Variants in RCAN2 observed in about 807,000 individuals in gnomAD.
RCAN2 encodes regulator of calcineurin 2.
RCAN2 carries 9 observed loss-of-function variants against 23.6 expected under a neutral mutation model. The observed-to-expected ratio is 0.38, with a 90% confidence interval of 0.23 to 0.67. The LOEUF is 0.67. RCAN2 is among the 30% of genes least tolerant of loss of function. The pLI is 0.51. For missense variants in RCAN2, 273 were observed against 302.3 expected, an observed-to-expected ratio of 0.90 and a Z score of 0.72; for synonymous variants, 109 against 115.7, an observed-to-expected ratio of 0.94 and a Z score of 0.37.
chr6:46,284,200 G>A (rs1762296689), intron 2 of RCAN2, among the ~76,000 whole-genome samples: 1 of 152,130 alleles, frequency 6.6e-6, no homozygotes, highest in Non-Finnish European at 1.5e-5. Flanking sequence ...TATGGTGAAA[G>A]GTTAAGAACT....
At chr6:46,254,208 T>C (rs1403470519) in intron 2 of RCAN2, among the ~76,000 whole-genome samples, 1 of 152,122 alleles carries the variant, frequency 6.6e-6, no homozygotes, top group Non-Finnish European at 1.5e-5. Flanking sequence ...TTTGACAACA[T>C]AGGAACTGGT....
At chr6:46,469,911 T>G (rs1711913100) in intron 1 of RCAN2, among the ~76,000 whole-genome samples, 2 of 152,100 alleles carry the variant, frequency 1.3e-5, no homozygotes, top group South Asian at 4.1e-4. Context: ...ATTCCTCCCT[T>G]GTGGAGGATA....
At chr6:46,309,709 G>A (rs145890442) in intron 2 of RCAN2, among the ~76,000 whole-genome samples, 324 of 152,304 alleles carry the variant, frequency 2.1e-3, no homozygotes, top group African/African-American at 7.4e-3. Context: ...GACAGACCTA[G>A]CTCATGTTGA....
At chr6:46,330,069 T>C (rs1047517523) in intron 2 of RCAN2, among the ~76,000 whole-genome samples, 3 of 152,202 alleles carry the variant, frequency 2.0e-5, no homozygotes, top group Non-Finnish European at 4.4e-5. Context: ...TAAATGTTTA[T>C]TATGGAGAAT....
In RCAN2 at chr6:46,260,086, A is replaced by G. The variant is rs1345060; in HGVS notation, c.226-11190T>C. Among the ~76,000 whole-genome samples the G allele has an allele frequency of 9.2e-3, 1,393 of 151,796 alleles. 23 individuals are homozygous for G. Among genetic ancestry groups the G allele is most frequent in the African/African-American group, 0.032 (1,328 of 41,366 alleles). ...TCACATCATTGCCAATTGGTGATCAACTCTAACTTCAGCATCTCTCCCCTT... is the reference window on the plus strand; with the variant it reads ...TCACATCATTGCCAATTGGTGATCAGCTCTAACTTCAGCATCTCTCCCCTT... On this transcript the variant is annotated intron_variant, in intron 2 of 4. Coordinates refer to ENST00000371374, the MANE Select transcript of RCAN2 (RefSeq NM_001251974.2).
intron 2 of RCAN2, among the ~76,000 whole-genome samples, chr6:46,401,079 G>C (rs187355490): frequency 6.6e-6 from 1 of 152,278 alleles, no homozygotes; most frequent in East Asian, 1.9e-4. Context: ...AAGGTACAAA[G>C]TACAGCCACG....
At chr6:46,234,131 G>A (rs1766006687) in intron 4 of RCAN2, among the ~76,000 whole-genome samples, 1 of 152,152 alleles carries the variant, frequency 6.6e-6, no homozygotes, top group Non-Finnish European at 1.5e-5. Flanking sequence ...GGCAAGCAGG[G>A]AGTCCACTCT....
At chr6:46,414,814 A>T (rs1187190764) in intron 2 of RCAN2, among the ~76,000 whole-genome samples, 1 of 152,234 alleles carries the variant, frequency 6.6e-6, no homozygotes, top group Non-Finnish European at 1.5e-5. Flanking sequence ...ATATGTGCAC[A>T]CATATATATA....
At chr6:46,489,974 G>A (rs767280291) in intron 1 of RCAN2, among the ~76,000 whole-genome samples, 1 of 152,196 alleles carries the variant, frequency 6.6e-6, no homozygotes, top group African/African-American at 2.4e-5. Flanking sequence ...ATGCTGACCT[G>A]CCTCTTGATC....
intron 2 of RCAN2, among the ~76,000 whole-genome samples, chr6:46,320,380 C>T (rs993204679): frequency 6.6e-6 from 1 of 152,178 alleles, no homozygotes. Context: ...TCATCCTTCT[C>T]CTCCTATCAC....
chr6:46,331,349 G>A (rs1343276701), intron 2 of RCAN2, among the ~76,000 whole-genome samples: 1 of 151,866 alleles, frequency 6.6e-6, no homozygotes, highest in African/African-American at 2.4e-5. Flanking sequence ...ATCCTGCAAA[G>A]ATCACTGAGG....
At chr6:46,279,551 G>T (rs1240935404) in intron 2 of RCAN2, among the ~76,000 whole-genome samples, 2 of 152,140 alleles carry the variant, frequency 1.3e-5, no homozygotes. Context: ...GGGAAGGGAG[G>T]AATTGCTCCC....
intron 2 of RCAN2, among the ~76,000 whole-genome samples, chr6:46,281,782 C>T (rs1767931872): frequency 6.6e-6 from 1 of 152,210 alleles, no homozygotes; most frequent in East Asian, 1.9e-4. Flanking sequence ...TATTATAAGG[C>T]CTGATCTTTT....
chr6:46,430,856 A>G (rs894813630), intron 2 of RCAN2, among the ~76,000 whole-genome samples: 3 of 152,218 alleles, frequency 2.0e-5, no homozygotes, highest in African/African-American at 7.2e-5. Context: ...TCTAAGAGTT[A>G]TTAAAAATTG....
chr6:46,359,856 C>G (rs1293435258), intron 2 of RCAN2, among the ~76,000 whole-genome samples: 1 of 152,098 alleles, frequency 6.6e-6, no homozygotes, highest in Non-Finnish European at 1.5e-5. Flanking sequence ...TATACAGATG[C>G]TAGAACCAAA....
At chr6:46,277,020 T>C (rs1449418105) in intron 2 of RCAN2, among the ~76,000 whole-genome samples, 2 of 152,252 alleles carry the variant, frequency 1.3e-5, no homozygotes, top group Non-Finnish European at 2.9e-5. Flanking sequence ...GGAAGACAAA[T>C]GCATGCTGGC....
chr6:46,330,741 T>C (rs1055275929), intron 2 of RCAN2, among the ~76,000 whole-genome samples: 1 of 152,228 alleles, frequency 6.6e-6, no homozygotes, highest in Non-Finnish European at 1.5e-5. Flanking sequence ...TATAGAGTTC[T>C]CCTCCATTTC....
intron 2 of RCAN2, among the ~76,000 whole-genome samples, chr6:46,409,794 T>A (rs958573911): frequency 1.1e-4 from 16 of 152,238 alleles, no homozygotes; most frequent in African/African-American, 3.9e-4. Flanking sequence ...ATATATCGTG[T>A]GATAGTTAAT....
At position 46,272,118 on chromosome 6, in the gene RCAN2, C is replaced by T. The variant is rs191111180; in HGVS notation, c.226-23222G>A. Among the ~76,000 whole-genome samples the T allele has an allele frequency of 2.8e-4, 43 of 152,312 alleles. 1 individual carries two copies. Among genetic ancestry groups the T allele is most frequent in the Middle Eastern group, 6.8e-3 (2 of 294 alleles). On this transcript the variant is annotated intron_variant, in intron 2 of 4. Transcript: ENST00000371374. ...TGACAGTATAGCTGGGATTTTAACA[C>T]CAATGTTTGTCTCTGAAGCTTGTGC...
Sources: allele counts gnomAD v4.1 joint callset (sites outside exome capture counted in the v4.1 genomes callset), GRCh38; gene constraint gnomAD v4.1.1; transcripts MANE v1.5; gene names NCBI Gene and HGNC (gene_info 2026-07-23, HGNC 2026-07-21).